Variants in GPR22 observed in about 807,000 individuals in gnomAD.
The protein encoded by GPR22 is G protein-coupled receptor 22.
GPR22 carries 13 observed loss-of-function variants against 31.0 expected under a neutral mutation model. The observed-to-expected ratio is 0.42, with a 90% CI of 0.27 to 0.67. The LOEUF (loss-of-function observed/expected upper bound fraction) is 0.67. GPR22 is among the 30% of genes least tolerant of loss of function. The pLI is 0.25. For missense variants in GPR22, 368 were observed against 509.6 expected, an observed-to-expected ratio of 0.72 and a Z score of 2.67; for synonymous variants, 191 against 173.4, an observed-to-expected ratio of 1.10 and a Z score of -0.80.
downstream of GPR22, among the ~76,000 whole-genome samples, chr7:107,477,462 G>T (rs1797059706): frequency 6.6e-6 from 1 of 151,548 alleles, no homozygotes; most frequent in Non-Finnish European, 1.5e-5. Flanking sequence ...CTGCTTTCAT[G>T]CCTTCTTGTC....
Position 107,475,387 on chromosome 7 carries a change from C to T in GPR22, c.*25C>T. 9.3e-7 allele frequency: 1 copy of T among 1,069,702 alleles called. No homozygotes were observed. Among genetic ancestry groups the T allele is most frequent in the Non-Finnish European group, 1.3e-6 (1 of 747,938 alleles). 66.3% of individuals were successfully genotyped at this position (1,069,702 alleles called of 1,614,324 possible). A position where few individuals can be genotyped will look rare whatever the true frequency, so the allele number is the denominator to read the frequency against. On this transcript the variant is annotated 3_prime_UTR_variant, in exon 3 of 3. Coordinates refer to ENST00000304402, the MANE Select transcript of GPR22 (RefSeq NM_005295.3). Reference sequence around the variant, plus strand: ...GAGAAAAGTCTCAGTTTCACCAAATCCACATTCAAATGAGTTTTAAATTTA... The same window carrying T: ...GAGAAAAGTCTCAGTTTCACCAAATTCACATTCAAATGAGTTTTAAATTTA...
Position 107,474,183 on chromosome 7 carries a change from A to G in GPR22, c.123A>G (p.Gln41=). The stretch of plus-strand genomic sequence containing the variant: ...CACTATCATATCCGTTAAGCTTTCA[A>G]GTGTCTCTCACCGGATTTCTTATGT... ...YQPLSYPLSF[Q]VSLTGFLMLE... is the part of the protein sequence containing the mutation. The change falls in exon 3 of 3, where the codon CAA becomes CAG. Residue 41 remains glutamine (Q), a synonymous_variant. Transcript: ENST00000304402. This position sits in a 1 kb window ranked among gnomAD's most constrained non-coding sequence, Gnocchi z 5.7. The G allele has an allele frequency of 6.2e-7, 1 of 1,612,640 alleles. No individual in the cohort carries two copies. The highest frequency in any genetic ancestry group is 8.5e-7 in the Non-Finnish European group (1 of 1,178,872).
chr7:107,473,864 T>A (rs2129111624), intron 2 of GPR22, among the ~76,000 whole-genome samples, 171 bp from the exon 3 acceptor site: 1 of 152,110 alleles, frequency 6.6e-6, no homozygotes, highest in African/African-American at 2.4e-5. Flanking sequence ...TTCTTTTATA[T>A]CAAAACAATG....
In GPR22 at chr7:107,474,808, CAGA is replaced by C; in HGVS notation, c.756_758del (p.Lys253del). 8 of 1,612,844 alleles carry C rather than the reference CAGA, an allele frequency of 5.0e-6. No individual in the cohort carries two copies. The highest frequency in any genetic ancestry group is 6.8e-6 in the Non-Finnish European group (8 of 1,179,446). On this transcript the variant is annotated inframe_deletion, in exon 3 of 3. Transcript: ENST00000304402. This position sits in a 1 kb window ranked among gnomAD's most constrained non-coding sequence, Gnocchi z 5.7. ...AATAGGCACAAGATTTTCAACAGGG[CAGA>C]AGAAGAAAGCAAGAAAGAAAAAGAC...
intron 1 of GPR22, 99 bp from the exon 2 acceptor site, chr7:107,471,272 AC>A (rs1442250116): frequency 1.3e-5 from 2 of 152,094 alleles, no homozygotes; most frequent in African/African-American, 4.8e-5. Context: ...TATTTTGATA[AC>A]AAATACTGGA....
Position 107,474,006 on chromosome 7 carries a change from C to A in GPR22, c.-26-29C>A. The A allele has an allele frequency of 1.1e-6, 1 of 887,634 alleles. No individual in the cohort carries two copies. Among genetic ancestry groups the A allele is most frequent in the Non-Finnish European group, 1.7e-6 (1 of 571,526 alleles). 55.0% of individuals were successfully genotyped at this position (887,634 alleles called of 1,614,324 possible). A position where few individuals can be genotyped will look rare whatever the true frequency, so the allele number is the denominator to read the frequency against. ...ATACGTCATTTAAATTGCCAAATATCAAATAGTTTATTCTATTTCACTTTC... is the reference window on the plus strand; with the variant it reads ...ATACGTCATTTAAATTGCCAAATATAAAATAGTTTATTCTATTTCACTTTC... On this transcript the variant is annotated intron_variant, in intron 2 of 2. Coordinates refer to ENST00000304402, the MANE Select transcript of GPR22 (RefSeq NM_005295.3). This position sits in a 1 kb window ranked among gnomAD's most constrained non-coding sequence, Gnocchi z 5.7.
In GPR22 at chr7:107,474,974, G is replaced by A. The variant is rs377315363; in HGVS notation, c.914G>A (p.Arg305Gln). ...RRAVKRHRER[R>Q]ERQKRVFRMS... Reference sequence around the variant, plus strand: ...GCTGTGAAACGACACCGTGAACGACGAGAAAGACAAAAGAGAGTCTTCAGG... The same window carrying A: ...GCTGTGAAACGACACCGTGAACGACAAGAAAGACAAAAGAGAGTCTTCAGG... Residue 305 changes from arginine to glutamine, a missense_variant, in exon 3 of 3, where the codon CGA (arginine) becomes CAA (glutamine). Transcript: ENST00000304402. This position sits in a 1 kb window ranked among gnomAD's most constrained non-coding sequence, Gnocchi z 5.7. 7 of 1,612,248 alleles carry A rather than the reference G, an allele frequency of 4.3e-6. No individual in the cohort carries two copies. The highest frequency in any genetic ancestry group is 1.7e-4 in the Middle Eastern group (1 of 6,040).
At position 107,475,530 on chromosome 7, in the gene GPR22, T is replaced by G; in HGVS notation, c.*168T>G. ...GGTCATATATATTCAATTTCTTCAT[T>G]ACTTAATGTATTTGTTGCATGGCAG... On this transcript the variant is annotated 3_prime_UTR_variant, in exon 3 of 3. Transcript: ENST00000304402. 2.0e-6 allele frequency: 1 copy of G among 492,542 alleles called. No individual in the cohort carries two copies. The highest frequency in any genetic ancestry group is 3.7e-6 in the Non-Finnish European group (1 of 273,560). The allele number at this position is 492,542 out of a possible 1,614,324, so 30.5% of individuals were successfully genotyped here. A position where few individuals can be genotyped will look rare whatever the true frequency, so the allele number is the denominator to read the frequency against.
In GPR22 at chr7:107,474,986, A is replaced by G; in HGVS notation, c.926A>G (p.Lys309Arg). 6.2e-7 allele frequency: 1 copy of G among 1,612,548 alleles called. No individual in the cohort carries two copies. Among genetic ancestry groups the G allele is most frequent in the Non-Finnish European group, 8.5e-7 (1 of 1,179,226 alleles). The change falls in exon 3 of 3, where the codon AAG (lysine) becomes AGG (arginine). Residue 309 changes from lysine to arginine, a missense_variant. By Grantham distance (26) the Lys-to-Arg change is conservative. Coordinates refer to ENST00000304402, the MANE Select transcript of GPR22 (RefSeq NM_005295.3). This position sits in a 1 kb window ranked among gnomAD's most constrained non-coding sequence, Gnocchi z 5.7. ...KRHRERRERQ[K>R]RVFRMSLLII... ...CACCGTGAACGACGAGAAAGACAAAAGAGAGTCTTCAGGATGTCTTTATTG... is the reference window on the plus strand; with the variant it reads ...CACCGTGAACGACGAGAAAGACAAAGGAGAGTCTTCAGGATGTCTTTATTG...
In GPR22 at chr7:107,471,681, T is replaced by C. The variant is rs2129109048; in HGVS notation, c.-648T>C. ...CCAGAATTGTGGAAGTTACTGATTC[T>C]GGAAGACATAATGAAACATGAATTT... On this transcript the variant is annotated 5_prime_UTR_variant, in exon 2 of 3. Coordinates refer to ENST00000304402, the MANE Select transcript of GPR22 (RefSeq NM_005295.3). 1 of 152,170 alleles carries C rather than the reference T, an allele frequency of 6.6e-6. No individual in the cohort carries two copies. Among genetic ancestry groups the C allele is most frequent in the Non-Finnish European group, 1.5e-5 (1 of 67,942 alleles). 9.4% of individuals were successfully genotyped at this position (152,170 alleles called of 1,614,324 possible).
At position 107,475,624 on chromosome 7, in the gene GPR22, A is replaced by G. The variant is rs1796928318; in HGVS notation, c.*262A>G. ...CCAACAGAAAATATTCATGTAAGTCATATTTTTTAAGGAATAAATACATAG... is the reference window on the plus strand; with the variant it reads ...CCAACAGAAAATATTCATGTAAGTCGTATTTTTTAAGGAATAAATACATAG... On this transcript the variant is annotated 3_prime_UTR_variant, in exon 3 of 3. Transcript: ENST00000304402. 3.2e-6 allele frequency: 1 copy of G among 310,276 alleles called. No homozygotes were observed. The highest frequency in any genetic ancestry group is 6.2e-6 in the Non-Finnish European group (1 of 160,338). The allele number at this position is 310,276 out of a possible 1,614,324, so 19.2% of individuals were successfully genotyped here. A position where few individuals can be genotyped will look rare whatever the true frequency, so the allele number is the denominator to read the frequency against.
rs1158968173 is a variant in GPR22, at chr7:107,475,122, C to T, written c.1062C>T (p.Val354=). The T allele has an allele frequency of 2.5e-6, 4 of 1,610,816 alleles. No individual in the cohort carries two copies. Among genetic ancestry groups the T allele is most frequent in the Non-Finnish European group, 3.4e-6 (4 of 1,177,716 alleles). Reference sequence around the variant, plus strand: ...TAAAATTAAGATTGTGTTTTTTAGTCATGGCTTATGGAACAACTATATTTC... The same window carrying T: ...TAAAATTAAGATTGTGTTTTTTAGTTATGGCTTATGGAACAACTATATTTC... The part of the protein sequence containing the change: ...LLVKLRLCFL[V]MAYGTTIFHP... The change falls in exon 3 of 3, where the codon GTC becomes GTT. Residue 354 remains valine (V), a synonymous_variant. Transcript: ENST00000304402.
rs1274941154 is a variant in GPR22 at position 107,475,381 on chromosome 7, C to G, written c.*19C>G. On this transcript the variant is annotated 3_prime_UTR_variant, in exon 3 of 3. Coordinates refer to ENST00000304402, the MANE Select transcript of GPR22 (RefSeq NM_005295.3). ...AGACTAGAGAAAAGTCTCAGTTTCA[C>G]CAAATCCACATTCAAATGAGTTTTA... 1 of 1,119,560 alleles carries G rather than the reference C, an allele frequency of 8.9e-7. No homozygotes were observed. The highest frequency in any genetic ancestry group is 1.7e-5 in the South Asian group (1 of 58,084). The allele number at this position is 1,119,560 out of a possible 1,614,324, so 69.4% of individuals were successfully genotyped here.
In GPR22 at chr7:107,474,515, T is replaced by G; in HGVS notation, c.455T>G (p.Leu152Arg). The G allele has an allele frequency of 6.2e-7, 1 of 1,612,866 alleles. No homozygotes were observed. Among genetic ancestry groups the G allele is most frequent in the Non-Finnish European group, 8.5e-7 (1 of 1,179,142 alleles). ...TCTGTAAAACCTGCAAACCGAATTC[T>G]GACAATGGGCAGAGCTGTAATGTTA... ...DISVKPANRI[L>R]TMGRAVMLMI... The change falls in exon 3 of 3, where the codon CTG becomes CGG. Residue 152 changes from leucine (L) to arginine (R), a missense_variant. Coordinates refer to ENST00000304402, the MANE Select transcript of GPR22 (RefSeq NM_005295.3). This position sits in a 1 kb window ranked among gnomAD's most constrained non-coding sequence, Gnocchi z 5.7.
chr7:107,472,180 A>G lies in GPR22; in HGVS notation c.-149A>G, dbSNP rs934068451. Reference sequence around the variant, plus strand: ...AGCAAAACAAATACAAATATTATGTACTGTTCTTTAGAAATCCATCAGCCA... The same window carrying G: ...AGCAAAACAAATACAAATATTATGTGCTGTTCTTTAGAAATCCATCAGCCA... On this transcript the variant is annotated 5_prime_UTR_variant, in exon 2 of 3. Transcript: ENST00000304402. 6 of 152,048 alleles carry G rather than the reference A, an allele frequency of 3.9e-5. No individual in the cohort carries two copies. The East Asian group carries it at 1.2e-3, about 29-fold the overall frequency. 9.4% of individuals were successfully genotyped at this position (152,048 alleles called of 1,614,324 possible).
In GPR22 at chr7:107,470,259, G is replaced by A. The variant is rs1796556904; in HGVS notation, c.-1144G>A. The A allele has an allele frequency of 6.6e-6, 1 of 152,186 alleles. No homozygotes were observed. The highest frequency in any genetic ancestry group is 2.1e-4 in the South Asian group (1 of 4,834). 9.4% of individuals were successfully genotyped at this position (152,186 alleles called of 1,614,324 possible). A position where few individuals can be genotyped will look rare whatever the true frequency, so the allele number is the denominator to read the frequency against. On this transcript the variant is annotated 5_prime_UTR_variant, in exon 1 of 3. An upstream start codon of the reference 5' UTR is lost. Transcript: ENST00000304402. Reference sequence around the variant, plus strand: ...CAGCAGCCTCTAAGCAGCACTACATGTTCCATACATTAGCAGTACTGCTGA... The same window carrying A: ...CAGCAGCCTCTAAGCAGCACTACATATTCCATACATTAGCAGTACTGCTGA...
chr7:107,473,459 C>T (rs1355261673), intron 2 of GPR22, among the ~76,000 whole-genome samples: 2 of 151,860 alleles, frequency 1.3e-5, no homozygotes. Context: ...TGGGAAATAA[C>T]CCCAAATATC....
At position 107,470,172 on chromosome 7, in the gene GPR22, A is replaced by G. The variant is rs1241509687; in HGVS notation, c.-1231A>G. 1 of 152,226 alleles carries G rather than the reference A, an allele frequency of 6.6e-6. No individual in the cohort carries two copies. The highest frequency in any genetic ancestry group is 1.5e-5 in the Non-Finnish European group (1 of 68,046). The allele number at this position is 152,226 out of a possible 1,614,324, so 9.4% of individuals were successfully genotyped here. A position where few individuals can be genotyped will look rare whatever the true frequency, so the allele number is the denominator to read the frequency against. On this transcript the variant is annotated 5_prime_UTR_variant, in exon 1 of 3. Transcript: ENST00000304402. ...AGACAAGAAGCCTTCAGTATGTTAA[A>G]TTACTTTCATTATGTATTTTCAGAT... is the stretch of plus-strand genomic sequence containing the variant.
At chr7:107,471,134 C>G (rs1295306945) in intron 1 of GPR22, among the ~76,000 whole-genome samples, 2 of 151,910 alleles carry the variant, frequency 1.3e-5, no homozygotes, top group Non-Finnish European at 2.9e-5. Context: ...TTTTCTCTCA[C>G]AATTGTATTT....
Sources: allele counts gnomAD v4.1 joint callset (sites outside exome capture counted in the v4.1 genomes callset), GRCh38; gene constraint gnomAD v4.1.1; non-coding constraint Gnocchi (gnomAD v3.1); transcripts MANE v1.5; gene names NCBI Gene and HGNC (gene_info 2026-07-23, HGNC 2026-07-21).